COL23A1: variants seen among roughly 807,000 people sequenced by gnomAD.
COL23A1 encodes collagen alpha-1(XXIII) chain.
In COL23A1, 97 loss-of-function variants were observed where a neutral mutation model predicts 99.3. The observed-to-expected ratio is 0.98, with a 90% CI of 0.83 to 1.16. The LOEUF (loss-of-function observed/expected upper bound fraction) is 1.16. COL23A1 is among the 50% of genes most tolerant of loss of function. The pLI is 0.00. For synonymous variants in COL23A1, 320 were observed against 308.2 expected, an observed-to-expected ratio of 1.04 and a Z score of -0.40; for missense variants, 762 against 757.4, an observed-to-expected ratio of 1.01 and a Z score of -0.07.
intron 5 of COL23A1, 79 bp from the exon 6 acceptor site, chr5:178,270,442 T>C: frequency 3.2e-6 from 5 of 1,549,164 alleles, no homozygotes; most frequent in Non-Finnish European, 4.4e-6. Flanking sequence ...AGGTGCACTA[T>C]TCAGTGACAA....
chr5:178,446,152 G>A (rs1232010540), intron 2 of COL23A1, among the ~76,000 whole-genome samples: 1 of 151,784 alleles, frequency 6.6e-6, no homozygotes, highest in African/African-American at 2.4e-5. Context: ...TTAAATAGAA[G>A]AGCTTTAAAA....
intron 2 of COL23A1, among the ~76,000 whole-genome samples, chr5:178,537,613 C>T (rs75334644): frequency 0.014 from 2,184 of 152,326 alleles, 28 homozygotes; most frequent in Middle Eastern, 0.061. Context: ...GGTGACAATT[C>T]TGTAAAATGG....
intron 1 of COL23A1, chr5:178,561,794 T>C (rs540874438): frequency 1.0e-5 from 2 of 198,256 alleles, no homozygotes; most frequent in South Asian, 9.1e-5. Flanking sequence ...TTAAACAGTA[T>C]TTTTAGGCAC....
In COL23A1 at chr5:178,281,922, C is replaced by T. The variant is rs1301368259; in HGVS notation, c.441+6402G>A. The stretch of plus-strand genomic sequence containing the variant: ...AAAAAATCAGCCAGGCGTGGTGGTG[C>T]GTACCTGTAATCCTAGCTACTTGGG... On this transcript the variant is annotated intron_variant, in intron 5 of 28. Transcript: ENST00000390654. This position sits in a 1 kb window ranked among gnomAD's most constrained non-coding sequence, Gnocchi z 4.0. 3.3e-5 allele frequency among the ~76,000 whole-genome samples: 5 copies of T among 151,788 alleles called. No homozygotes were observed. In the East Asian group the frequency reaches 7.8e-4, roughly 24 times the overall value.
At chr5:178,265,692 C>G (rs1289635831) in intron 8 of COL23A1, 1 of 985,914 alleles carries the variant, frequency 1.0e-6, no homozygotes, top group Non-Finnish European at 1.2e-6. Flanking sequence ...ATGGTCTCTA[C>G]TTATAAAGCC....
chr5:178,282,747 T>C (rs912718125), intron 5 of COL23A1, among the ~76,000 whole-genome samples: 3 of 152,204 alleles, frequency 2.0e-5, no homozygotes, highest in African/African-American at 4.8e-5. Context: ...CCCTGGCACA[T>C]TGGAAGGGCT....
intron 5 of COL23A1, among the ~76,000 whole-genome samples, chr5:178,278,275 G>T (rs1484252995): frequency 6.6e-6 from 1 of 151,854 alleles, no homozygotes; most frequent in African/African-American, 2.4e-5. Flanking sequence ...CACCCTTGGG[G>T]CATGGTTGGT....
chr5:178,575,547 C>T (rs1275251190), intron 1 of COL23A1, among the ~76,000 whole-genome samples: 1 of 152,184 alleles, frequency 6.6e-6, no homozygotes, highest in Non-Finnish European at 1.5e-5. Flanking sequence ...TTCCACCTAT[C>T]TTTTTGGAAG....
chr5:178,503,866 C>T (rs1196355904), intron 2 of COL23A1, among the ~76,000 whole-genome samples: 3 of 151,956 alleles, frequency 2.0e-5, no homozygotes. Context: ...TAAGGATTCC[C>T]CAAGGCGGAG....
intron 2 of COL23A1, among the ~76,000 whole-genome samples, chr5:178,448,213 T>C (rs1384178973): frequency 4.0e-5 from 1 of 24,898 alleles, no homozygotes; most frequent in African/African-American, 1.8e-4. Flanking sequence ...GTCCGTTTTG[T>C]TCTGTTAGTG....
At chr5:178,349,500 ATCCCCCATGCCCCACAC>A (rs1761185721) in intron 2 of COL23A1, among the ~76,000 whole-genome samples, 1 of 13,888 alleles carries the variant, frequency 7.2e-5, no homozygotes, top group Non-Finnish European at 1.4e-4. Flanking sequence ...AGGCGGGCCC[ATCCCCCATGCCCCACAC>A]CTGGCCCTCC....
At chr5:178,393,902 T>C (rs558307674) in intron 2 of COL23A1, among the ~76,000 whole-genome samples, 7 of 152,280 alleles carry the variant, frequency 4.6e-5, no homozygotes, top group South Asian at 2.1e-4. Flanking sequence ...GCTGGGATTA[T>C]AGGTGTGAGC....
chr5:178,575,543 C>A (rs953847382), intron 1 of COL23A1, among the ~76,000 whole-genome samples: 1 of 152,196 alleles, frequency 6.6e-6, no homozygotes, highest in Admixed American at 6.5e-5. Context: ...TTATTTCCAC[C>A]TATCTTTTTG....
chr5:178,256,521 C>T, intron 14 of COL23A1, 124 bp from the exon 15 acceptor site: 1 of 844,294 alleles, frequency 1.2e-6, no homozygotes. Context: ...ACCCTAATAG[C>T]CAAATGTATG....
In COL23A1 at chr5:178,254,932, C is replaced by A; in HGVS notation, c.960+17G>T. The A allele has an allele frequency of 6.3e-7, 1 of 1,595,006 alleles. No homozygotes were observed. The highest frequency in any genetic ancestry group is 1.1e-5 in the South Asian group (1 of 90,680). On this transcript the variant is annotated intron_variant, in intron 16 of 28. Coordinates refer to ENST00000390654, the MANE Select transcript of COL23A1 (RefSeq NM_173465.4). The stretch of plus-strand genomic sequence containing the variant: ...AATCGTATCTAAGGCACATCCTGGT[C>A]CCACCAGGAACACTACCTTGAGGGC...
At chr5:178,482,870 C>T (rs971946807) in intron 2 of COL23A1, among the ~76,000 whole-genome samples, 3 of 152,028 alleles carry the variant, frequency 2.0e-5, no homozygotes, top group Non-Finnish European at 2.9e-5. Flanking sequence ...CCACTGCACT[C>T]CTGCCTGGGC....
chr5:178,464,833 G>A (rs1430852587), intron 2 of COL23A1, among the ~76,000 whole-genome samples: 1 of 152,208 alleles, frequency 6.6e-6, no homozygotes, highest in African/African-American at 2.4e-5. Flanking sequence ...ATGTGGCAGA[G>A]TTCTGTAGAT....
intron 2 of COL23A1, among the ~76,000 whole-genome samples, chr5:178,357,921 T>C (rs1488354319): frequency 6.8e-6 from 1 of 146,442 alleles, no homozygotes; most frequent in East Asian, 1.9e-4. Context: ...TGTGTATGTG[T>C]ATGTGTGTAT....
chr5:178,334,997 G>T (rs545852314), intron 2 of COL23A1, among the ~76,000 whole-genome samples: 3 of 152,292 alleles, frequency 2.0e-5, no homozygotes, highest in African/African-American at 7.2e-5. Flanking sequence ...TTCAAGGCAC[G>T]AAGGGTTTCC....
Sources: allele counts gnomAD v4.1 joint callset (sites outside exome capture counted in the v4.1 genomes callset), GRCh38; gene constraint gnomAD v4.1.1; non-coding constraint Gnocchi (gnomAD v3.1); transcripts MANE v1.5; gene names NCBI Gene and HGNC (gene_info 2026-07-23, HGNC 2026-07-21).